NDUFAF1: variants seen among roughly 807,000 people sequenced by gnomAD.
NDUFAF1 encodes NADH:ubiquinone oxidoreductase complex assembly factor 1.
NDUFAF1 carries 18 observed loss-of-function variants against 28.7 expected under a neutral mutation model. That is an observed-to-expected ratio of 0.63 (90% CI 0.43 to 0.93). The LOEUF is 0.93. NDUFAF1 is among the 40% of genes least tolerant of loss of function. NDUFAF1 has a pLI of 0.00. For synonymous variants in NDUFAF1, 113 were observed against 139.7 expected, an observed-to-expected ratio of 0.81 and a Z score of 1.35; for missense variants, 404 against 398.3, an observed-to-expected ratio of 1.01 and a Z score of -0.12.
rs560445739 is a variant in NDUFAF1, at chr15:41,402,276, A to G, written c.-214T>C. On this transcript the variant is annotated 5_prime_UTR_variant, in exon 1 of 5. Transcript: ENST00000260361. ...CTAATTTACCCGAGGTCACACAGGT[A>G]GTGAGTGGCAAAATTCTTCCGCCTT... 1.7e-3 allele frequency: 787 copies of G among 454,136 alleles called. 15 individuals carry two copies. The highest frequency in any genetic ancestry group is 0.012 in the South Asian group (746 of 64,480). 28.1% of individuals were successfully genotyped at this position (454,136 alleles called of 1,614,324 possible).
At position 41,394,019 on chromosome 15, in the gene NDUFAF1, CTTTTTTTTTTT is replaced by C. The variant is rs549825524; in HGVS notation, c.759+829_759+839del. The C allele has an allele frequency of 5.1e-4, 67 of 130,164 alleles. 1 individual carries two copies. Among genetic ancestry groups the C allele is most frequent in the East Asian group, 5.1e-3 (22 of 4,312 alleles). The allele number at this position is 130,164 out of a possible 1,614,324, so 8.1% of individuals were successfully genotyped here. A position where few individuals can be genotyped will look rare whatever the true frequency, so the allele number is the denominator to read the frequency against. On this transcript the variant is annotated intron_variant, in intron 3 of 4. Transcript: ENST00000260361. ...CCACCACGCCTGGCCTAGGACACTA[CTTTTTTTTTTT>C]TTTTTTTTTTTTTTTGAGACAAAGT... is the stretch of plus-strand genomic sequence containing the variant.
chr15:41,395,078 A>G, intron 2 of NDUFAF1, 34 bp from the exon 3 acceptor site: 2 of 1,591,448 alleles, frequency 1.3e-6, no homozygotes, highest in South Asian at 1.1e-5. Context: ...ATTGTACCTC[A>G]TTCTCCATTA....
chr15:41,395,468 C>T (rs1445381822), intron 2 of NDUFAF1, among the ~76,000 whole-genome samples: 1 of 150,642 alleles, frequency 6.6e-6, no homozygotes, highest in Non-Finnish European at 1.5e-5. Context: ...CTCCTGGGTT[C>T]ACACCATTCT....
intron 2 of NDUFAF1, 54 bp from the exon 3 acceptor site, chr15:41,395,098 T>C (rs1023482097): frequency 6.5e-7 from 1 of 1,546,840 alleles, no homozygotes. Context: ...ATTAGCAAAA[T>C]GTGAGTCATC....
Position 41,388,530 on chromosome 15 carries a change from A to T in NDUFAF1, c.760-8T>A, listed in dbSNP as rs767204079. ...AAATTTGGAAAAAGGAATCTGAAAGAAGAAACCATTTACTTCATAACTGAA... is the reference window on the plus strand; with the variant it reads ...AAATTTGGAAAAAGGAATCTGAAAGTAGAAACCATTTACTTCATAACTGAA... On this transcript the variant is annotated splice_polypyrimidine_tract_variant and splice_region_variant and intron_variant, in intron 3 of 4. Transcript: ENST00000260361. 1 of 1,588,696 alleles carries T rather than the reference A, an allele frequency of 6.3e-7. No homozygotes were observed. Among genetic ancestry groups the T allele is most frequent in the East Asian group, 2.2e-5 (1 of 44,762 alleles).
intron 3 of NDUFAF1, among the ~76,000 whole-genome samples, chr15:41,390,569 CA>C (rs1566821587): frequency 6.6e-6 from 1 of 151,342 alleles, no homozygotes; most frequent in Admixed American, 6.6e-5. Flanking sequence ...ACTAAAAATA[CA>C]AAAAATTAGC....
intron 3 of NDUFAF1, among the ~76,000 whole-genome samples, chr15:41,390,231 G>C (rs142739722): frequency 2.0e-4 from 31 of 152,110 alleles, no homozygotes; most frequent in African/African-American, 7.0e-4. Flanking sequence ...CAAAGTGCTA[G>C]GATTACAGAT....
At chr15:41,399,855 CAAAAA>C (rs35139337) in intron 1 of NDUFAF1, among the ~76,000 whole-genome samples, 1 of 42,036 alleles carries the variant, frequency 2.4e-5, no homozygotes, top group Non-Finnish European at 4.2e-5. Context: ...GACTCCTTCT[CAAAAA>C]AAAAAAAAAA....
chr15:41,402,490 C>A lies in NDUFAF1; in HGVS notation c.-428G>T. ...TACCTTCCGCCCAGAAGCCACTTTA[C>A]CCGTATAGGTCCATCTGCTTTTCCC... On this transcript the variant is annotated 5_prime_UTR_variant, in exon 1 of 5. Transcript: ENST00000260361. The A allele has an allele frequency of 2.7e-6, 1 of 373,518 alleles. No homozygotes were observed. The highest frequency in any genetic ancestry group is 1.9e-5 in the South Asian group (1 of 51,944). 23.1% of individuals were successfully genotyped at this position (373,518 alleles called of 1,614,324 possible).
rs1483097669 is a variant in NDUFAF1 at position 41,394,841 on chromosome 15, G to A, written c.759+18C>T. On this transcript the variant is annotated intron_variant, in intron 3 of 4. Transcript: ENST00000260361. ...CCAAGACCTCATTTTTATAAACAAT[G>A]AAGATTTATGCTGTTACCTTGACCT... The A allele has an allele frequency of 6.2e-7, 1 of 1,613,270 alleles. No homozygotes were observed. Among genetic ancestry groups the A allele is most frequent in the Non-Finnish European group, 8.5e-7 (1 of 1,179,474 alleles).
At chr15:41,399,071 G>C (rs2050428404) in intron 1 of NDUFAF1, among the ~76,000 whole-genome samples, 1 of 152,094 alleles carries the variant, frequency 6.6e-6, no homozygotes, top group Non-Finnish European at 1.5e-5. Flanking sequence ...TTGGAGACCA[G>C]CCTGCCCAAC....
In NDUFAF1 at chr15:41,387,442, CT is replaced by C; in HGVS notation, c.*1del. ...TAGTAAAACAAAACTACCATATGAT[CT>C]TTATTTAAAAAGCCTTGGGTTAAGC... On this transcript the variant is annotated 3_prime_UTR_variant, in exon 5 of 5. Transcript: ENST00000260361. 6.2e-7 allele frequency: 1 copy of C among 1,612,182 alleles called. No homozygotes were observed. The highest frequency in any genetic ancestry group is 8.5e-7 in the Non-Finnish European group (1 of 1,178,620).
intron 3 of NDUFAF1, chr15:41,394,262 A>C: frequency 2.6e-6 from 2 of 773,794 alleles, no homozygotes; most frequent in Non-Finnish European, 3.8e-6. Context: ...TCGAACTCCC[A>C]ACCTCAAGTG....
chr15:41,395,514 C>A (rs1409079852), intron 2 of NDUFAF1, among the ~76,000 whole-genome samples: 1 of 150,898 alleles, frequency 6.6e-6, no homozygotes, highest in South Asian at 2.1e-4. Context: ...GTACTATAGG[C>A]GCCCAAAACC....
At chr15:41,399,497 C>A (rs1328639991) in intron 1 of NDUFAF1, among the ~76,000 whole-genome samples, 1 of 150,326 alleles carries the variant, frequency 6.7e-6, no homozygotes. Context: ...GCAGAGGCTG[C>A]AATGAGCCAA....
At chr15:41,392,852 T>C (rs186055851) in intron 3 of NDUFAF1, among the ~76,000 whole-genome samples, 1 of 152,220 alleles carries the variant, frequency 6.6e-6, no homozygotes, top group Admixed American at 6.6e-5. Flanking sequence ...TGAACTATGC[T>C]TCAGAAAGAT....
rs2050392949 is a variant in NDUFAF1, at chr15:41,396,697, G to C, written c.363C>G (p.Ala121=). 1 of 1,613,994 alleles carries C rather than the reference G, an allele frequency of 6.2e-7. No individual in the cohort carries two copies. Among genetic ancestry groups the C allele is most frequent in the Non-Finnish European group, 8.5e-7 (1 of 1,180,046 alleles). Residue 121 remains alanine, a synonymous_variant, in exon 2 of 5, where the codon GCC becomes GCG. Coordinates refer to ENST00000260361, the MANE Select transcript of NDUFAF1 (RefSeq NM_016013.4). ...TCCCCCGGAATTGCCAGACAACCTTGGCTTGTTCCAGCAAGACCTCATGCA... is the reference window on the plus strand; with the variant it reads ...TCCCCCGGAATTGCCAGACAACCTTCGCTTGTTCCAGCAAGACCTCATGCA... ...HPLHEVLLEQ[A]KVVWQFRGKE...
chr15:41,389,650 G>A (rs1268816271), intron 3 of NDUFAF1, among the ~76,000 whole-genome samples: 1 of 152,042 alleles, frequency 6.6e-6, no homozygotes, highest in African/African-American at 2.4e-5. Context: ...GTGCATCCTT[G>A]TAGTCCTGGC....
At chr15:41,396,335 A>G (rs778305153) in intron 2 of NDUFAF1, 152 bp downstream of exon 2, 6 of 735,034 alleles carry the variant, frequency 8.2e-6, no homozygotes, top group African/African-American at 1.8e-5. Flanking sequence ...CACTTGTGCC[A>G]ATAGTTACTT....
Sources: gnomAD v4.1 joint callset for allele counts (sites outside exome capture counted in the v4.1 genomes callset) on GRCh38, gnomAD v4.1.1 for gene constraint, MANE v1.5 for transcripts, NCBI Gene and HGNC (gene_info 2026-07-23, HGNC 2026-07-21) for gene names.